Variants in MYL7 observed in about 807,000 individuals in gnomAD.
The protein encoded by MYL7 is myosin light chain 7, also known as myosin regulatory light chain 2, atrial isoform.
Under a neutral mutation model 22.5 loss-of-function variants are expected in MYL7, and 27 were observed. The observed-to-expected ratio is 1.20, with a 90% CI of 0.89 to 1.66. The LOEUF (loss-of-function observed/expected upper bound fraction) is 1.66. Among genes scored for constraint, MYL7 ranks in the 40% most tolerant of loss-of-function variants. The pLI, the probability that MYL7 is intolerant of heterozygous loss-of-function variation, is 0.00. For synonymous variants in MYL7, 81 were observed against 84.4 expected (o/e 0.96, Z 0.22); for missense variants, 209 against 226.8 (o/e 0.92, Z 0.50).
chr7:44,141,169 A>G (rs1190618290), intron 1 of MYL7, 95 bp from the exon 2 acceptor site: 46 of 1,566,728 alleles, frequency 2.9e-5, no homozygotes, highest in Non-Finnish European at 3.8e-5. Flanking sequence ...TTCCCAGGAG[A>G]GCCAGGGCCA....
intron 3 of MYL7, 142 bp downstream of exon 3, chr7:44,140,570 T>G: frequency 8.8e-7 from 1 of 1,138,748 alleles, no homozygotes; most frequent in Non-Finnish European, 1.3e-6. Context: ...AAGCAAGGCG[T>G]GACAAGGGGG....
chr7:44,140,942 A>G lies in MYL7; in HGVS notation c.117+19T>C. On this transcript the variant is annotated intron_variant, in intron 2 of 6. Coordinates refer to ENST00000223364, the MANE Select transcript of MYL7 (RefSeq NM_021223.3). The stretch of plus-strand genomic sequence containing the variant: ...GGGGGCCAGGATGGGATCTGAGGCT[A>G]CTGGGAGTGGGCACTCACTTCTTTG... 2 of 1,607,130 alleles carry G rather than the reference A, an allele frequency of 1.2e-6. No homozygotes were observed.
Position 44,140,374 on chromosome 7 carries a change from C to T in MYL7, c.247G>A (p.Gly83Ser), listed in dbSNP as rs1421001275. The stretch of plus-strand genomic sequence containing the variant: ...AGGAAGACGGTGAAGTTGATGGGGC[C>T]CTTGCCCTCTTGCAGCATGGCGTCC... ...ELDAMLQEGK[G>S]PINFTVFLTL... Residue 83 changes from glycine to serine, a missense_variant, in exon 4 of 7, where the codon GGC becomes AGC. Physicochemically the swap from Gly to Ser is moderately conservative, Grantham distance 56 (BLOSUM62 0). Transcript: ENST00000223364. 3 of 1,613,890 alleles carry T rather than the reference C, an allele frequency of 1.9e-6. No homozygotes were observed. Among genetic ancestry groups the T allele is most frequent in the East Asian group, 4.5e-5 (2 of 44,850 alleles).
At chr7:44,139,428 A>G (rs1488776160) in intron 6 of MYL7, 93 bp downstream of exon 6, 2 of 1,417,378 alleles carry the variant, frequency 1.4e-6, no homozygotes, top group Non-Finnish European at 2.0e-6. Flanking sequence ...TCACCCTTCC[A>G]GCAACTGCCT....
chr7:44,139,677 G>A, intron 5 of MYL7, 105 bp downstream of exon 5: 25 of 1,570,436 alleles, frequency 1.6e-5, no homozygotes, highest in Non-Finnish European at 2.2e-5. Context: ...GCACCCCAAA[G>A]AGCAGTGTAA....
At position 44,139,634 on chromosome 7, in the gene MYL7, C is replaced by T. The variant is rs190549771; in HGVS notation, c.378-65G>A. 458 of 1,575,494 alleles carry T rather than the reference C, an allele frequency of 2.9e-4. 1 individual carries two copies. Among genetic ancestry groups the T allele is most frequent in the African/African-American group, 2.3e-3 (167 of 73,514 alleles). On this transcript the variant is annotated intron_variant, in intron 5 of 6. Transcript: ENST00000223364. ...AGTGACTGCACAGGGAAGGTGGGTA[C>T]GGAGGCTCCCATGGCGCAGGGAAGG...
At position 44,140,322 on chromosome 7, in the gene MYL7, C is replaced by T. The variant is rs748745826; in HGVS notation, c.298+1G>A. 6.2e-7 allele frequency: 1 copy of T among 1,613,572 alleles called. No individual in the cohort carries two copies. Among genetic ancestry groups the T allele is most frequent in the South Asian group, 1.1e-5 (1 of 91,076 alleles). On this transcript the variant is annotated splice_donor_variant, in intron 4 of 6. Coordinates refer to ENST00000223364, the MANE Select transcript of MYL7 (RefSeq NM_021223.3). LOFTEE classifies it high-confidence loss of function. Reference sequence around the variant, plus strand: ...GGTGCCCAGCTCTGTCCCAGGCTCACCATTGAGCTTCTCCCCAAAGAGCGT... The same window carrying T: ...GGTGCCCAGCTCTGTCCCAGGCTCATCATTGAGCTTCTCCCCAAAGAGCGT...
At position 44,140,746 on chromosome 7, in the gene MYL7, G is replaced by A. The variant is rs201361368; in HGVS notation, c.159C>T (p.Cys53=). The A allele has an allele frequency of 6.2e-7, 1 of 1,612,768 alleles. No homozygotes were observed. Among genetic ancestry groups the A allele is most frequent in the Non-Finnish European group, 8.5e-7 (1 of 1,179,506 alleles). ...AGTAGGTCTCCCTCAGGTCTGCCTT[G>A]CAGATGATGCCATCACGATTCTGGT... is the stretch of plus-strand genomic sequence containing the variant. ...CIDQNRDGII[C]KADLRETYSQ... The change falls in exon 3 of 7, where the codon TGC becomes TGT. Residue 53 remains cysteine (C), a synonymous_variant. Coordinates refer to ENST00000223364, the MANE Select transcript of MYL7 (RefSeq NM_021223.3).
chr7:44,139,602 G>T (rs374041200), intron 5 of MYL7, 33 bp from the exon 6 acceptor site: 114 of 1,590,026 alleles, frequency 7.2e-5, no homozygotes, highest in Non-Finnish European at 9.5e-5. Flanking sequence ...GCAGGAGACT[G>T]CGGGGGAGTG....
chr7:44,140,180 G>C, intron 4 of MYL7, 143 bp downstream of exon 4: 2 of 676,576 alleles, frequency 3.0e-6, no homozygotes, highest in Non-Finnish European at 5.1e-6. Flanking sequence ...GAAGAGTCCA[G>C]GTGGGTCCAG....
At chr7:44,139,699 A>G (rs573801022) in intron 5 of MYL7, 83 bp downstream of exon 5, 1 of 1,580,542 alleles carries the variant, frequency 6.3e-7, no homozygotes, top group African/African-American at 1.4e-5. Flanking sequence ...GCCCCGAAGC[A>G]CAGGCAGCCC....
chr7:44,140,037 G>A (rs1429131926), intron 4 of MYL7, among the ~76,000 whole-genome samples, 177 bp from the exon 5 acceptor site: 2 of 152,190 alleles, frequency 1.3e-5, no homozygotes, highest in African/African-American at 4.8e-5. Flanking sequence ...CCTGAGGCGG[G>A]CAGCTTGGCT....
chr7:44,139,932 C>T, intron 4 of MYL7, 72 bp from the exon 5 acceptor site: 4 of 1,384,918 alleles, frequency 2.9e-6, no homozygotes, highest in South Asian at 2.7e-5. Flanking sequence ...AGGAACTGGG[C>T]TGCATGAGGA....
intron 1 of MYL7, 71 bp from the exon 2 acceptor site, chr7:44,141,145 A>C (rs1469592029): frequency 3.2e-6 from 5 of 1,567,720 alleles, no homozygotes. Context: ...CCCATCATGC[A>C]CAGTCCCAGA....
At chr7:44,139,728 C>T (rs2096262979) in intron 5 of MYL7, 54 bp downstream of exon 5, 4 of 1,603,860 alleles carry the variant, frequency 2.5e-6, no homozygotes, top group African/African-American at 2.7e-5. Flanking sequence ...AGGGGCCTCA[C>T]CCCGCTCTCT....
Position 44,140,712 on chromosome 7 carries a change from C to T in MYL7, c.193G>A (p.Gly65Arg). 2 of 1,603,438 alleles carry T rather than the reference C, an allele frequency of 1.2e-6. No homozygotes were observed. The highest frequency in any genetic ancestry group is 2.2e-5 in the South Asian group (2 of 89,104). Residue 65 changes from glycine (G) to arginine (R), a missense_variant and splice_region_variant, in exon 3 of 7, where the codon GGG (glycine) becomes AGG (arginine). Gly to Arg is a moderately radical substitution (Grantham distance 125). Coordinates refer to ENST00000223364, the MANE Select transcript of MYL7 (RefSeq NM_021223.3). ...ADLRETYSQL[G>R]KVSVPEEELD... is the part of the protein sequence containing the mutation. Reference sequence around the variant, plus strand: ...CAGGGTGGGAGGTGGGTGCACGCACCCAGCTGGGAGTAGGTCTCCCTCAGG... The same window carrying T: ...CAGGGTGGGAGGTGGGTGCACGCACTCAGCTGGGAGTAGGTCTCCCTCAGG...
rs758967591 is a variant in MYL7, at chr7:44,138,974, C to T, written c.475G>A (p.Asp159Asn). 15 of 1,614,006 alleles carry T rather than the reference C, an allele frequency of 9.3e-6. No individual in the cohort carries two copies. Among genetic ancestry groups the T allele is most frequent in the East Asian group, 2.2e-5 (1 of 44,888 alleles). The change falls in exon 7 of 7, where the codon GAC (aspartate) becomes AAC (asparagine). Residue 159 changes from aspartate (D) to asparagine (N), a missense_variant. By Grantham distance (23) the Asp-to-Asn change is conservative (BLOSUM62 1). Coordinates refer to ENST00000223364, the MANE Select transcript of MYL7 (RefSeq NM_021223.3). ...LTPMDLAGNI[D>N]YKSLCYIITH... ...ATGATGTAGCACAGTGACTTGTAGT[C>T]GATGTTCCCCGCCAGGTCCATGGGT...
rs117678382 is a variant in MYL7 at position 44,139,807 on chromosome 7, C to T, written c.352G>A (p.Gly118Ser). The T allele has an allele frequency of 5.9e-3, 9,463 of 1,612,538 alleles. 45 individuals carry two copies. Among genetic ancestry groups the T allele is most frequent in the Non-Finnish European group, 7.2e-3 (8,486 of 1,179,666 alleles). ...LSAFRMFDPS[G>S]KGVVNKDEFK... ...TCATCCTTGTTCACCACCCCTTTGC[C>T]GCTGGGGTCAAACATGCGGAAGGCA... The change falls in exon 5 of 7, where the codon GGC becomes AGC. Residue 118 changes from glycine to serine, a missense_variant. Gly to Ser is a moderately conservative substitution (Grantham distance 56, BLOSUM62 0). Transcript: ENST00000223364.
At position 44,141,082 on chromosome 7, in the gene MYL7, A is replaced by G; in HGVS notation, c.4-8T>C. 6.2e-7 allele frequency: 1 copy of G among 1,613,504 alleles called. No individual in the cohort carries two copies. Among genetic ancestry groups the G allele is most frequent in the Non-Finnish European group, 8.5e-7 (1 of 1,179,570 alleles). On this transcript the variant is annotated splice_region_variant and splice_polypyrimidine_tract_variant and intron_variant, in intron 1 of 6. Coordinates refer to ENST00000223364, the MANE Select transcript of MYL7 (RefSeq NM_021223.3). ...CCCCGCCTTCCTGCTGGCCTGCAAC[A>G]CTGTGAGTAGGGAGGGGTCCTCTCC...
Sources: allele counts gnomAD v4.1 joint callset (sites outside exome capture counted in the v4.1 genomes callset), GRCh38; gene constraint gnomAD v4.1.1; transcripts MANE v1.5; gene names NCBI Gene and HGNC (gene_info 2026-07-23, HGNC 2026-07-21).